BNC2: variants seen among roughly 807,000 people sequenced by gnomAD.
BNC2 encodes zinc finger protein basonuclin-2.
Under a neutral mutation model 76.3 loss-of-function variants are expected in BNC2, and 20 were observed. The observed-to-expected ratio is 0.26, with a 90% confidence interval of 0.18 to 0.38. The LOEUF is 0.38. BNC2 is among the 10% of genes least tolerant of loss of function. BNC2 has a pLI of 1.00. For synonymous variants in BNC2, 582 were observed against 514.8 expected (o/e 1.13, Z -1.77); for missense variants, 1,382 against 1,399.8 (o/e 0.99, Z 0.20).
At chr9:16,636,177 G>T (rs1028828939) in intron 3 of BNC2, among the ~76,000 whole-genome samples, 20 of 152,036 alleles carry the variant, frequency 1.3e-4, no homozygotes, top group African/African-American at 4.1e-4. Context: ...AATTACATTC[G>T]CATGTTGGTC....
rs1328060817 is a variant in BNC2, at chr9:16,736,182, CAA to C, written c.129+2176_129+2177del. On this transcript the variant is annotated intron_variant, in intron 2 of 6. Coordinates refer to ENST00000380672, the MANE Select transcript of BNC2 (RefSeq NM_017637.6). ...CTGGGAGGCAGAGGTTGCAGTGACCCAAGATCGCGCCACTGCACTCCACTCTG... is the reference window on the plus strand; with the variant it reads ...CTGGGAGGCAGAGGTTGCAGTGACCCGATCGCGCCACTGCACTCCACTCTG... Among the ~76,000 whole-genome samples the C allele has an allele frequency of 6.7e-5, 10 of 148,588 alleles. No homozygotes were observed. In the East Asian group the frequency reaches 2.0e-3, roughly 30 times the overall value.
chr9:16,539,807 AGGAAAGGAAAGGAAAGGAAAGGAAG>A (rs1437174344), intron 5 of BNC2, among the ~76,000 whole-genome samples: 377 of 141,280 alleles, frequency 2.7e-3, no homozygotes, highest in East Asian at 6.4e-3. Context: ...AGGAAAGGAA[AGGAAAGGAAAGGAAAGGAAAGGAAG>A]GGAAGGGAAG....
At chr9:16,476,560 GTTT>G (rs34107754) in intron 5 of BNC2, among the ~76,000 whole-genome samples, 2 of 143,754 alleles carry the variant, frequency 1.4e-5, no homozygotes, top group African/African-American at 5.1e-5. Flanking sequence ...TGTGTGTGTT[GTTT>G]TTTTTAAAAA....
intron 4 of BNC2, among the ~76,000 whole-genome samples, chr9:16,564,636 T>C (rs767490792): frequency 6.6e-6 from 1 of 152,214 alleles, no homozygotes; most frequent in Non-Finnish European, 1.5e-5. Context: ...CTCCTTTTGC[T>C]GTGAAAGGTA....
intron 5 of BNC2, among the ~76,000 whole-genome samples, chr9:16,535,960 C>T (rs912916807): frequency 2.6e-5 from 4 of 152,120 alleles, no homozygotes; most frequent in Non-Finnish European, 4.4e-5. Context: ...GTTATCTCCA[C>T]TGCCCCAACC....
At chr9:16,565,250 T>C (rs950367197) in intron 4 of BNC2, among the ~76,000 whole-genome samples, 6 of 152,136 alleles carry the variant, frequency 3.9e-5, no homozygotes, top group African/African-American at 1.4e-4. Flanking sequence ...CCCACTTCTC[T>C]CTCACCCACA....
chr9:16,780,714 T>C (rs1235526491), intron 1 of BNC2, among the ~76,000 whole-genome samples: 8 of 152,136 alleles, frequency 5.3e-5, no homozygotes, highest in Admixed American at 5.2e-4. Flanking sequence ...GATAAACAGA[T>C]GAAAACAACA....
At chr9:16,712,613 A>G (rs1823881945) in intron 3 of BNC2, among the ~76,000 whole-genome samples, 1 of 152,240 alleles carries the variant, frequency 6.6e-6, no homozygotes, top group African/African-American at 2.4e-5. Context: ...AAACAACACA[A>G]CGGACACACA....
intron 1 of BNC2, among the ~76,000 whole-genome samples, chr9:16,839,168 G>C (rs550718661): frequency 3.3e-5 from 5 of 152,244 alleles, no homozygotes; most frequent in African/African-American, 1.2e-4. Context: ...AGAAACTTAA[G>C]GATTCTTTTC....
rs1200847550 is a variant in BNC2, at chr9:16,415,686, C to G, written c.*3303G>C. The stretch of plus-strand genomic sequence containing the variant: ...TCTAGTTAAGTCAAAACAAGACACT[C>G]AGGCACACACTCAAGAACGAGCAAT... On this transcript the variant is annotated 3_prime_UTR_variant, in exon 7 of 7. Coordinates refer to ENST00000380672, the MANE Select transcript of BNC2 (RefSeq NM_017637.6). The G allele has an allele frequency of 2.6e-5, 4 of 152,188 alleles. No homozygotes were observed. The highest frequency in any genetic ancestry group is 2.0e-4 in the Admixed American group (3 of 15,272). The allele number at this position is 152,188 out of a possible 1,614,324, so 9.4% of individuals were successfully genotyped here.
At chr9:16,680,474 T>C (rs1045676904) in intron 3 of BNC2, among the ~76,000 whole-genome samples, 4 of 151,984 alleles carry the variant, frequency 2.6e-5, no homozygotes, top group Non-Finnish European at 5.9e-5. Flanking sequence ...ACACTAATAC[T>C]TTTACAATAA....
rs936864002 is a variant in BNC2, at chr9:16,580,249, C to T, written c.433+2734G>A. 263 of 398,138 alleles carry T rather than the reference C, an allele frequency of 6.6e-4. 2 individuals are homozygous for T. The highest frequency in any genetic ancestry group is 5.2e-3 in the African/African-American group (254 of 48,728). The allele number at this position is 398,138 out of a possible 1,614,324, so 24.7% of individuals were successfully genotyped here. On this transcript the variant is annotated intron_variant, in intron 4 of 6. Coordinates refer to ENST00000380672, the MANE Select transcript of BNC2 (RefSeq NM_017637.6). ...CAACTCCAAGGCTAGAGGCCAACCCCTCACTGCTGTATTTGGCCTCATGAA... is the reference window on the plus strand; with the variant it reads ...CAACTCCAAGGCTAGAGGCCAACCCTTCACTGCTGTATTTGGCCTCATGAA...
At chr9:16,859,685 T>C (rs1327354290) in intron 1 of BNC2, among the ~76,000 whole-genome samples, 1 of 152,198 alleles carries the variant, frequency 6.6e-6, no homozygotes, top group Non-Finnish European at 1.5e-5. Flanking sequence ...GCTAGAATAG[T>C]GGTTTCCCAG....
intron 3 of BNC2, among the ~76,000 whole-genome samples, chr9:16,660,632 G>A (rs895599170): frequency 2.6e-5 from 4 of 151,870 alleles, no homozygotes; most frequent in Non-Finnish European, 4.4e-5. Context: ...CAAAAAGGGG[G>A]AAAAACTAAG....
At chr9:16,498,924 G>C (rs1822458187) in intron 5 of BNC2, among the ~76,000 whole-genome samples, 1 of 152,086 alleles carries the variant, frequency 6.6e-6, no homozygotes, top group Non-Finnish European at 1.5e-5. Context: ...ATATCAAATA[G>C]TAGAATAATG....
At chr9:16,746,152 G>A (rs1824995200) in intron 1 of BNC2, among the ~76,000 whole-genome samples, 1 of 152,056 alleles carries the variant, frequency 6.6e-6, no homozygotes, top group African/African-American at 2.4e-5. Flanking sequence ...TCCTAACTAT[G>A]TTTACACCGG....
chr9:16,485,400 G>A (rs1232329601), intron 5 of BNC2, among the ~76,000 whole-genome samples: 1 of 152,128 alleles, frequency 6.6e-6, no homozygotes, highest in African/African-American at 2.4e-5. Context: ...TTAAGCATCT[G>A]TTACTCAAAA....
intron 1 of BNC2, among the ~76,000 whole-genome samples, chr9:16,869,416 TG>T (rs1819621800): frequency 2.7e-5 from 2 of 73,960 alleles, no homozygotes; most frequent in African/African-American, 1.8e-4. Context: ...CTTGCTTTTG[TG>T]TGTGTGTGTG....
intron 6 of BNC2, chr9:16,429,460 GAGA>G (rs1820864412): frequency 6.5e-6 from 1 of 153,794 alleles, no homozygotes; most frequent in Non-Finnish European, 1.4e-5. Context: ...TAAAGTCTGT[GAGA>G]AGGTCAGATA....
Sources: gnomAD v4.1 joint callset for allele counts (sites outside exome capture counted in the v4.1 genomes callset) on GRCh38, gnomAD v4.1.1 for gene constraint, MANE v1.5 for transcripts, NCBI Gene and HGNC (gene_info 2026-07-23, HGNC 2026-07-21) for gene names.